Variants in HNF1B observed in about 807,000 individuals in gnomAD.
HNF1B encodes the protein HNF1 homeobox B.
In HNF1B, 8 loss-of-function variants were observed where a neutral mutation model predicts 61.7. The ratio of observed to expected loss-of-function variants is 0.13; its 90% CI spans 0.08 to 0.23. The LOEUF (loss-of-function observed/expected upper bound fraction) is 0.23, where lower values mean the gene tolerates loss of function less well. Among genes scored for constraint, HNF1B ranks in the 10% least tolerant of loss-of-function variants. The pLI is 1.00. For synonymous variants in HNF1B, 314 were observed against 287.7 expected (o/e 1.09, Z -0.93); for missense variants, 562 against 714.5 (o/e 0.79, Z 2.43).
intron 5 of HNF1B, among the ~76,000 whole-genome samples, chr17:37,707,679 A>G (rs1300013051): frequency 6.6e-6 from 1 of 152,160 alleles, no homozygotes; most frequent in Non-Finnish European, 1.5e-5. Context: ...AAAGCAGGCT[A>G]TCTACCGCCA....
In HNF1B at chr17:37,744,576, C is replaced by G. The variant is rs1197263675; in HGVS notation, c.309G>C (p.Ala103=). Residue 103 remains alanine (A), a synonymous_variant, in exon 1 of 9, where the codon GCG becomes GCC. Transcript: ENST00000617811. The part of the protein sequence containing the change: ...KELQALNTEE[A]AEQRAEVDRM... Reference sequence around the variant, plus strand: ...GGTCCACCTCCGCCCGCTGCTCCGCCGCCTCCTCGGTGTTGAGCGCCTGCA... The same window carrying G: ...GGTCCACCTCCGCCCGCTGCTCCGCGGCCTCCTCGGTGTTGAGCGCCTGCA... 1.4e-5 allele frequency: 22 copies of G among 1,606,234 alleles called. No homozygotes were observed. Among genetic ancestry groups the G allele is most frequent in the Non-Finnish European group, 1.8e-5 (21 of 1,179,934 alleles).
intron 7 of HNF1B, among the ~76,000 whole-genome samples, 180 bp downstream of exon 7, chr17:37,700,803 T>A (rs568163430): frequency 6.6e-6 from 1 of 152,280 alleles, no homozygotes; most frequent in Admixed American, 6.5e-5. Context: ...AGAAGAGGAC[T>A]AGAAAAGGTA....
intron 8 of HNF1B, among the ~76,000 whole-genome samples, chr17:37,691,434 C>G (rs1298098962): frequency 6.6e-6 from 1 of 152,046 alleles, no homozygotes; most frequent in Non-Finnish European, 1.5e-5. Flanking sequence ...GCTCTTCACC[C>G]CTATGTAAGA....
At chr17:37,721,761 C>T (rs1207757209) in intron 4 of HNF1B, among the ~76,000 whole-genome samples, 3 of 151,472 alleles carry the variant, frequency 2.0e-5, no homozygotes, top group South Asian at 2.1e-4. Context: ...CTCTGTCACC[C>T]GGGCTGTACT....
At chr17:37,705,230 G>A (rs978206086) in intron 5 of HNF1B, among the ~76,000 whole-genome samples, 181 bp from the exon 6 acceptor site, 1 of 152,120 alleles carries the variant, frequency 6.6e-6, no homozygotes, top group African/African-American at 2.4e-5. Flanking sequence ...AGCACTTTGG[G>A]AAGCCAAGAC....
intron 5 of HNF1B, among the ~76,000 whole-genome samples, chr17:37,706,148 G>A (rs188855221): frequency 2.0e-5 from 3 of 152,138 alleles, no homozygotes; most frequent in African/African-American, 7.2e-5. Flanking sequence ...TAGTAGAGAC[G>A]GGATTTCACT....
At chr17:37,707,788 G>C (rs944695469) in intron 5 of HNF1B, among the ~76,000 whole-genome samples, 5 of 149,486 alleles carry the variant, frequency 3.3e-5, no homozygotes, top group Non-Finnish European at 5.9e-5. Context: ...TTTTTTAAAG[G>C]TTCGACATGC....
chr17:37,695,444 G>A (rs1568634397), intron 8 of HNF1B, among the ~76,000 whole-genome samples: 1 of 152,272 alleles, frequency 6.6e-6, no homozygotes, highest in Non-Finnish European at 1.5e-5. Flanking sequence ...CTAGGGCAGT[G>A]CTGAGGGGAA....
At chr17:37,720,166 A>G (rs2033262648) in intron 4 of HNF1B, among the ~76,000 whole-genome samples, 1 of 152,114 alleles carries the variant, frequency 6.6e-6, no homozygotes, top group Non-Finnish European at 1.5e-5. Flanking sequence ...CTGTCCAGAT[A>G]ATTGATTTGC....
At chr17:37,701,257 C>T in intron 6 of HNF1B, 80 bp from the exon 7 acceptor site, 2 of 1,358,392 alleles carry the variant, frequency 1.5e-6, no homozygotes, top group South Asian at 1.2e-5. Flanking sequence ...TGAGCCCCCG[C>T]TCAATGTCCC....
chr17:37,737,585 T>G (rs1228916234), intron 2 of HNF1B, among the ~76,000 whole-genome samples: 6 of 151,752 alleles, frequency 4.0e-5, no homozygotes. Context: ...CCCAGCACTT[T>G]GGGAGGCTGA....
Position 37,739,508 on chromosome 17 carries a change from G to A in HNF1B, c.476C>T (p.Pro159Leu). 1 of 1,614,144 alleles carries A rather than the reference G, an allele frequency of 6.2e-7. No individual in the cohort carries two copies. The highest frequency in any genetic ancestry group is 8.5e-7 in the Non-Finnish European group (1 of 1,180,022). ...HLSQHLNKGT[P>L]MKTQKRAALY... ...AGCGGCACGCTTCTGGGTCTTCATAGGGGTGCCCTTGTTGAGATGCTGGGA... is the reference window on the plus strand; with the variant it reads ...AGCGGCACGCTTCTGGGTCTTCATAAGGGTGCCCTTGTTGAGATGCTGGGA... The change falls in exon 2 of 9, where the codon CCT (proline) becomes CTT (leucine). Residue 159 changes from proline to leucine, a missense_variant. Transcript: ENST00000617811.
intron 8 of HNF1B, among the ~76,000 whole-genome samples, chr17:37,694,794 C>T (rs970522229): frequency 5.3e-5 from 8 of 152,142 alleles, no homozygotes; most frequent in African/African-American, 1.9e-4. Flanking sequence ...TAACAGAAGA[C>T]ATTTCTAAGC....
At chr17:37,720,480 G>A (rs76345152) in intron 4 of HNF1B, among the ~76,000 whole-genome samples, 3,505 of 151,862 alleles carry the variant, frequency 0.023, 137 homozygotes, top group African/African-American at 0.081. Flanking sequence ...ACTGTTTCTA[G>A]AGAAGAGAAA....
intron 5 of HNF1B, among the ~76,000 whole-genome samples, chr17:37,707,192 T>A (rs989916181): frequency 1.3e-5 from 2 of 151,724 alleles, no homozygotes; most frequent in Non-Finnish European, 2.9e-5. Flanking sequence ...CACAGCTCAC[T>A]GCAGCTTCGA....
At chr17:37,740,226 C>A (rs953234241) in intron 1 of HNF1B, among the ~76,000 whole-genome samples, 6 of 152,134 alleles carry the variant, frequency 3.9e-5, no homozygotes, top group Admixed American at 2.6e-4. Flanking sequence ...GCCTCGGCCT[C>A]CCAAAGTGCT....
At chr17:37,715,641 A>C (rs561638578) in intron 4 of HNF1B, among the ~76,000 whole-genome samples, 2 of 152,310 alleles carry the variant, frequency 1.3e-5, no homozygotes, top group South Asian at 4.1e-4. Flanking sequence ...TCCATGCAAT[A>C]TGGAGTCACA....
chr17:37,710,666 G>A lies in HNF1B; in HGVS notation c.1046-3C>T. 2.5e-6 allele frequency: 4 copies of A among 1,613,130 alleles called. No individual in the cohort carries two copies. Among genetic ancestry groups the A allele is most frequent in the South Asian group, 2.2e-5 (2 of 90,950 alleles). On this transcript the variant is annotated splice_polypyrimidine_tract_variant and splice_region_variant and intron_variant, in intron 4 of 8. Coordinates refer to ENST00000617811, the MANE Select transcript of HNF1B (RefSeq NM_000458.4). ...TCCCTGCTGGCTGTAGCGCACTCCT[G>A]CAAAACAACACAAACCCAGTAGGGA...
Position 37,744,660 on chromosome 17 carries a change from G to C in HNF1B, c.225C>G (p.Ser75=), listed in dbSNP as rs1248201013. 7 of 1,613,182 alleles carry C rather than the reference G, an allele frequency of 4.3e-6. No individual in the cohort carries two copies. Among genetic ancestry groups the C allele is most frequent in the Non-Finnish European group, 5.9e-6 (7 of 1,180,020 alleles). ...LTNGHAKGRL[S]GDEGSEDGDD... ...CGCCGTCCTCGGAGCCCTCGTCGCC[G>C]GACAAGCGGCCCTTGGCGTGGCCGT... The change falls in exon 1 of 9, where the codon TCC becomes TCG. Residue 75 remains serine (S), a synonymous_variant. Transcript: ENST00000617811.
Sources: allele counts gnomAD v4.1 joint callset (sites outside exome capture counted in the v4.1 genomes callset), GRCh38; gene constraint gnomAD v4.1.1; transcripts MANE v1.5; gene names NCBI Gene and HGNC (gene_info 2026-07-23, HGNC 2026-07-21).